Variants in CBLN4 observed in about 807,000 individuals in gnomAD.
CBLN4 encodes cerebellin-4.
CBLN4 carries 7 observed loss-of-function variants against 14.9 expected under a neutral mutation model. The observed-to-expected ratio is 0.47, with a 90% CI of 0.27 to 0.88. CBLN4 has a LOEUF of 0.88. Ranked by LOEUF, CBLN4 falls within the 40% of genes least tolerant of loss-of-function variation. CBLN4 has a pLI of 0.14. For synonymous variants in CBLN4, 131 were observed against 116.5 expected, an observed-to-expected ratio of 1.12 and a Z score of -0.80; for missense variants, 188 against 256.8, an observed-to-expected ratio of 0.73 and a Z score of 1.83.
rs1568829888 is a variant in CBLN4, at chr20:55,998,039, A to G, written c.*518T>C. ...ATTACCTTATTTTAAGAGAAAACAT[A>G]ATACCAGTTACTGAAAAAAAAAATC... is the stretch of plus-strand genomic sequence containing the variant. On this transcript the variant is annotated 3_prime_UTR_variant, in exon 3 of 3. Coordinates refer to ENST00000064571, the MANE Select transcript of CBLN4 (RefSeq NM_080617.6). 6.5e-6 allele frequency: 1 copy of G among 152,690 alleles called. No individual in the cohort carries two copies. The highest frequency in any genetic ancestry group is 2.1e-4 in the South Asian group (1 of 4,828). 9.5% of individuals were successfully genotyped at this position (152,690 alleles called of 1,614,324 possible). A position where few individuals can be genotyped will look rare whatever the true frequency, so the allele number is the denominator to read the frequency against.
At position 55,998,458 on chromosome 20, in the gene CBLN4, C is replaced by G. The variant is rs1986316533; in HGVS notation, c.*99G>C. ...AGAATCCATATCCACCCATGAGAAA[C>G]CAATAAAAGACATCAATCCAATGAT... On this transcript the variant is annotated 3_prime_UTR_variant, in exon 3 of 3. Transcript: ENST00000064571. 7.4e-6 allele frequency: 10 copies of G among 1,356,136 alleles called. No homozygotes were observed. Among genetic ancestry groups the G allele is most frequent in the Middle Eastern group, 1.8e-4 (1 of 5,462 alleles). 84.0% of individuals were successfully genotyped at this position (1,356,136 alleles called of 1,614,324 possible). A position where few individuals can be genotyped will look rare whatever the true frequency, so the allele number is the denominator to read the frequency against.
chr20:56,000,277 C>A (rs537534247), intron 2 of CBLN4, among the ~76,000 whole-genome samples: 1 of 152,334 alleles, frequency 6.6e-6, no homozygotes, highest in East Asian at 1.9e-4. Context: ...GTTCCTCCTT[C>A]ATAGACTTAT....
rs1474631237 is a variant in CBLN4, at chr20:56,000,821, G to GA, written c.317dup (p.Thr107HisfsTer22). On this transcript the variant is annotated frameshift_variant, in exon 2 of 3. Transcript: ENST00000064571. LOFTEE classifies it high-confidence loss of function. The stretch of plus-strand genomic sequence containing the variant: ...GTGCTACAAAGACAGACTCCAATGT[G>GA]AAAAAATTACCCACATTCACCAGGA... The GA allele has an allele frequency of 6.3e-7, 1 of 1,580,614 alleles. No homozygotes were observed. The highest frequency in any genetic ancestry group is 8.6e-7 in the Non-Finnish European group (1 of 1,164,434).
Position 56,005,467 on chromosome 20 carries a change from C to A in CBLN4, c.-1296G>T, listed in dbSNP as rs1195236004. The A allele has an allele frequency of 6.6e-6, 1 of 152,194 alleles. No homozygotes were observed. The highest frequency in any genetic ancestry group is 1.5e-5 in the Non-Finnish European group (1 of 68,072). 9.4% of individuals were successfully genotyped at this position (152,194 alleles called of 1,614,324 possible). Reference sequence around the variant, plus strand: ...TCCCGACCGCGCCTGGCCGGGAGCCCGCCCCACACAGCCCTGGGGCCTGGC... The same window carrying A: ...TCCCGACCGCGCCTGGCCGGGAGCCAGCCCCACACAGCCCTGGGGCCTGGC... On this transcript the variant is annotated 5_prime_UTR_variant, in exon 1 of 3. Transcript: ENST00000064571.
intron 1 of CBLN4, among the ~76,000 whole-genome samples, chr20:56,003,074 C>G (rs765294863): frequency 1.3e-5 from 2 of 152,182 alleles, no homozygotes; most frequent in African/African-American, 2.4e-5. Context: ...CTACAGCTTC[C>G]GTCAGCTCTT....
At chr20:56,001,274 G>A (rs1427560291) in intron 1 of CBLN4, among the ~76,000 whole-genome samples, 2 of 152,220 alleles carry the variant, frequency 1.3e-5, no homozygotes, top group Non-Finnish European at 2.9e-5. Context: ...CACCCGCTAT[G>A]TGTTTACATT....
At position 55,997,936 on chromosome 20, in the gene CBLN4, C is replaced by T. The variant is rs1986305450; in HGVS notation, c.*621G>A. 6.6e-6 allele frequency: 1 copy of T among 152,114 alleles called. No individual in the cohort carries two copies. Among genetic ancestry groups the T allele is most frequent in the Non-Finnish European group, 1.5e-5 (1 of 68,010 alleles). 9.4% of individuals were successfully genotyped at this position (152,114 alleles called of 1,614,324 possible). ...TTTCACATATACAATTAAAATACAA[C>T]TATGAAGCATTCTTTTTTTTTGAGA... On this transcript the variant is annotated 3_prime_UTR_variant, in exon 3 of 3. Transcript: ENST00000064571.
At position 56,000,787 on chromosome 20, in the gene CBLN4, CT is replaced by C; in HGVS notation, c.351del (p.Gly118GlufsTer9). The C allele has an allele frequency of 6.2e-7, 1 of 1,602,502 alleles. No individual in the cohort carries two copies. Among genetic ancestry groups the C allele is most frequent in the South Asian group, 1.1e-5 (1 of 88,924 alleles). On this transcript the variant is annotated frameshift_variant, in exon 2 of 3. Coordinates refer to ENST00000064571, the MANE Select transcript of CBLN4 (RefSeq NM_080617.6). LOFTEE classifies it high-confidence loss of function. ...TLESVFVAPR[K>X]GIYSFSFHVI... Reference sequence around the variant, plus strand: ...ACGTGAAAACTGAAACTGTAAATTCCTTTTCTTGGTGCTACAAAGACAGACT... The same window carrying C: ...ACGTGAAAACTGAAACTGTAAATTCCTTTCTTGGTGCTACAAAGACAGACT...
chr20:55,999,240 T>C (rs1222114404), intron 2 of CBLN4, among the ~76,000 whole-genome samples: 1 of 152,170 alleles, frequency 6.6e-6, no homozygotes, highest in Non-Finnish European at 1.5e-5. Flanking sequence ...TGAAAATCAA[T>C]TGAAATAATG....
intron 1 of CBLN4, among the ~76,000 whole-genome samples, chr20:56,003,624 G>C (rs970073419): frequency 2.6e-5 from 4 of 152,032 alleles, no homozygotes; most frequent in Non-Finnish European, 5.9e-5. Context: ...TCGCTGCCGG[G>C]CTCTGGGCTC....
At chr20:56,001,372 G>A (rs1986367661) in intron 1 of CBLN4, among the ~76,000 whole-genome samples, 2 of 152,176 alleles carry the variant, frequency 1.3e-5, no homozygotes, top group South Asian at 2.1e-4. Context: ...AGCATCCCTG[G>A]ACAAACCACA....
At chr20:56,003,555 CA>C (rs1986410298) in intron 1 of CBLN4, among the ~76,000 whole-genome samples, 2 of 152,222 alleles carry the variant, frequency 1.3e-5, no homozygotes, top group African/African-American at 2.4e-5. Flanking sequence ...TAACGACGTC[CA>C]GGGACCAGGT....
rs1331971087 is a variant in CBLN4 at position 55,997,980 on chromosome 20, T to A, written c.*577A>T. The A allele has an allele frequency of 2.0e-5, 3 of 152,448 alleles. No individual in the cohort carries two copies. The highest frequency in any genetic ancestry group is 4.4e-5 in the Non-Finnish European group (3 of 68,010). The allele number at this position is 152,448 out of a possible 1,614,324, so 9.4% of individuals were successfully genotyped here. A position where few individuals can be genotyped will look rare whatever the true frequency, so the allele number is the denominator to read the frequency against. ...TTTGAGAGAAGTCATGTCGATGATA[T>A]CGTAGTCAAGGTAAATTTGTGGGCA... is the stretch of plus-strand genomic sequence containing the variant. On this transcript the variant is annotated 3_prime_UTR_variant, in exon 3 of 3. Transcript: ENST00000064571.
At position 56,004,090 on chromosome 20, in the gene CBLN4, G is replaced by T; in HGVS notation, c.82C>A (p.Gln28Lys). The part of the protein sequence containing the change: ...LTLPGLPVWA[Q>K]NDTEPIVLEG... The stretch of plus-strand genomic sequence containing the variant: ...AGCACGATGGGCTCCGTGTCGTTCT[G>T]TGCCCAGACGGGCAGCCCCGGCAGC... Residue 28 changes from glutamine to lysine, a missense_variant, in exon 1 of 3, where the codon CAG (glutamine) becomes AAG (lysine). By Grantham distance (53) the Gln-to-Lys change is moderately conservative. This residue lies in a region of CBLN4 where 95 missense variants were observed against 99.2 expected (regional missense o/e 0.96). Coordinates refer to ENST00000064571, the MANE Select transcript of CBLN4 (RefSeq NM_080617.6). This position sits in a 1 kb window ranked among gnomAD's most constrained non-coding sequence, Gnocchi z 6.1. 1 of 1,611,926 alleles carries T rather than the reference G, an allele frequency of 6.2e-7. No individual in the cohort carries two copies. The highest frequency in any genetic ancestry group is 1.1e-5 in the South Asian group (1 of 90,962).
In CBLN4 at chr20:56,005,055, C is replaced by A. The variant is rs778633250; in HGVS notation, c.-884G>T. On this transcript the variant is annotated 5_prime_UTR_variant, in exon 1 of 3. Transcript: ENST00000064571. ...GTTGGCTTATCGCGCAACCCGCGGG[C>A]TCCGAGAAAAGGGGGAGAAGGCGTC... The A allele has an allele frequency of 1.6e-4, 25 of 152,472 alleles. No individual in the cohort carries two copies. The highest frequency in any genetic ancestry group is 3.4e-4 in the Non-Finnish European group (23 of 68,248). The allele number at this position is 152,472 out of a possible 1,614,324, so 9.4% of individuals were successfully genotyped here.
In CBLN4 at chr20:56,005,294, G is replaced by A. The variant is rs887405644; in HGVS notation, c.-1123C>T. 1.3e-5 allele frequency: 2 copies of A among 152,494 alleles called. No homozygotes were observed. The highest frequency in any genetic ancestry group is 1.9e-4 in the East Asian group (1 of 5,174). 9.4% of individuals were successfully genotyped at this position (152,494 alleles called of 1,614,324 possible). ...CTCGATCTGAGTCCGCAGAGGAGGC[G>A]GCTGGTCCCCTCACCCCTCCCAGCG... On this transcript the variant is annotated 5_prime_UTR_variant, in exon 1 of 3. Transcript: ENST00000064571.
intron 1 of CBLN4, 123 bp from the exon 2 acceptor site, chr20:56,000,970 CT>C: frequency 2.3e-6 from 1 of 444,234 alleles, no homozygotes; most frequent in Non-Finnish European, 3.9e-6. Flanking sequence ...TCATTCCTTC[CT>C]TCCTCTTTCT....
intron 1 of CBLN4, among the ~76,000 whole-genome samples, chr20:56,002,499 T>C: frequency 6.6e-6 from 1 of 152,240 alleles, no homozygotes; most frequent in African/African-American, 2.4e-5. Flanking sequence ...GTCTCTAAGA[T>C]GCAAGGCTCA....
Position 55,998,756 on chromosome 20 carries a change from TAGA to T in CBLN4, c.409-5_409-3del, listed in dbSNP as rs773270985. On this transcript the variant is annotated splice_polypyrimidine_tract_variant and splice_region_variant and intron_variant, in intron 2 of 2. Coordinates refer to ENST00000064571, the MANE Select transcript of CBLN4 (RefSeq NM_080617.6). ...TTTTCCATTTAACATCAAGTTAACC[TAGA>T]AGAAGAAAAATAATAATAATTGAAA... 1.8e-5 allele frequency: 29 copies of T among 1,604,286 alleles called. No individual in the cohort carries two copies. Among genetic ancestry groups the T allele is most frequent in the Non-Finnish European group, 2.3e-5 (27 of 1,171,274 alleles).
Sources: gnomAD v4.1 joint callset for allele counts (sites outside exome capture counted in the v4.1 genomes callset) on GRCh38, gnomAD v4.1.1 for gene constraint, gnomAD v4.1.1 regional missense constraint, Gnocchi (gnomAD v3.1) non-coding constraint, MANE v1.5 for transcripts, NCBI Gene and HGNC (gene_info 2026-07-23, HGNC 2026-07-21) for gene names.